KRT18: variants seen among roughly 807,000 people sequenced by gnomAD.
KRT18 encodes keratin 18.
KRT18 carries 8 observed loss-of-function variants against 39.9 expected under a neutral mutation model. The ratio of observed to expected loss-of-function variants is 0.20; its 90% CI spans 0.12 to 0.36. The LOEUF is 0.36. Among genes scored for constraint, KRT18 ranks in the 10% least tolerant of loss-of-function variants. KRT18 has a pLI of 1.00. For missense variants in KRT18, 396 were observed against 565.7 expected, an observed-to-expected ratio of 0.70 and a Z score of 3.04; for synonymous variants, 194 against 227.8, an observed-to-expected ratio of 0.85 and a Z score of 1.33.
At chr12:52,949,026 C>A, upstream of KRT18, 1 of 715,966 alleles carries the variant, frequency 1.4e-6, no homozygotes, top group South Asian at 1.8e-5. Flanking sequence ...GGGCTCCGAG[C>A]CGTCCACCTG....
At chr12:52,950,566 GTA>G in intron 2 of KRT18, 156 bp downstream of exon 2, 1 of 818,800 alleles carries the variant, frequency 1.2e-6, no homozygotes, top group Non-Finnish European at 2.1e-6. Flanking sequence ...CTGTTCATTT[GTA>G]TAACCCCGTT....
In KRT18 at chr12:52,950,396, T is replaced by C. The variant is rs1011486827; in HGVS notation, c.486T>C (p.Asp162=). Residue 162 remains aspartate (D), a synonymous_variant, in exon 2 of 7, where the codon GAT becomes GAC. Coordinates refer to ENST00000388835, the MANE Select transcript of KRT18 (RefSeq NM_000224.3). ...LQIDNARLAA[D]DFRVKYETEL... ...TTGACAATGCCCGTCTTGCTGCTGATGACTTTAGAGTCAAGTAAGTTTGGG... is the reference window on the plus strand; with the variant it reads ...TTGACAATGCCCGTCTTGCTGCTGACGACTTTAGAGTCAAGTAAGTTTGGG... 4 of 1,612,558 alleles carry C rather than the reference T, an allele frequency of 2.5e-6. No homozygotes were observed. The highest frequency in any genetic ancestry group is 1.7e-5 in the Admixed American group (1 of 60,020).
rs760412718 is a variant in KRT18, at chr12:52,949,309, A to T, written c.136A>T (p.Ile46Phe). ...AGGCGCTGGGGGCTCTGGTTCCCGG[A>T]TCTCCGTGTCCCGCTCCACCAGCTT... ...YAGAGGSGSRISVSRSTSFRG... is the reference protein window; with the variant it reads ...YAGAGGSGSRFSVSRSTSFRG... Residue 46 changes from isoleucine (I) to phenylalanine (F), a missense_variant, in exon 1 of 7, where the codon ATC becomes TTC. Ile to Phe is a conservative substitution (Grantham distance 21, BLOSUM62 0). Coordinates refer to ENST00000388835, the MANE Select transcript of KRT18 (RefSeq NM_000224.3). 3 of 1,610,408 alleles carry T rather than the reference A, an allele frequency of 1.9e-6. No homozygotes were observed. Among genetic ancestry groups the T allele is most frequent in the Non-Finnish European group, 2.5e-6 (3 of 1,179,744 alleles).
upstream of KRT18, chr12:52,948,964 C>T (rs1438776399): frequency 4.9e-6 from 2 of 407,588 alleles, no homozygotes; most frequent in East Asian, 4.3e-5. Flanking sequence ...CAGGGCTGCG[C>T]GGAGGGCGCG....
intron 2 of KRT18, 157 bp downstream of exon 2, chr12:52,950,567 T>C (rs1329494246): frequency 1.2e-6 from 1 of 819,462 alleles, no homozygotes; most frequent in East Asian, 2.4e-5. Flanking sequence ...TGTTCATTTG[T>C]ATAACCCCGT....
Position 52,952,177 on chromosome 12 carries a change from A to T in KRT18, c.1007A>T (p.Glu336Val), listed in dbSNP as rs1942502671. 6.3e-7 allele frequency: 1 copy of T among 1,584,454 alleles called. No homozygotes were observed. The highest frequency in any genetic ancestry group is 1.8e-5 in the Admixed American group (1 of 54,514). ...GAGGCCCGCTACGCCCTACAGATGG[A>T]GCAGCTCAACGGGATCCTGCTGCAC... ...EVEARYALQM[E>V]QLNGILLHLE... is the part of the protein sequence containing the mutation. Residue 336 changes from glutamate (E) to valine (V), a missense_variant, in exon 6 of 7, where the codon GAG (glutamate) becomes GTG (valine). Coordinates refer to ENST00000388835, the MANE Select transcript of KRT18 (RefSeq NM_000224.3).
intron 1 of KRT18, 55 bp from the exon 2 acceptor site, chr12:52,950,273 C>T (rs1002552520): frequency 7.9e-6 from 10 of 1,271,282 alleles, no homozygotes; most frequent in Admixed American, 1.7e-5. Flanking sequence ...CACACTCACC[C>T]CACCCATCCC....
At position 52,952,141 on chromosome 12, in the gene KRT18, T is replaced by G. The variant is rs1837695514; in HGVS notation, c.971T>G (p.Leu324Arg). The G allele has an allele frequency of 6.4e-7, 1 of 1,565,424 alleles. No homozygotes were observed. The highest frequency in any genetic ancestry group is 1.4e-5 in the African/African-American group (1 of 73,896). ...RNLKASLENS[L>R]REVEARYALQ... is the part of the protein sequence containing the mutation. Reference sequence around the variant, plus strand: ...CAGAAGGCCAGCTTGGAGAACAGCCTGAGGGAGGTGGAGGCCCGCTACGCC... The same window carrying G: ...CAGAAGGCCAGCTTGGAGAACAGCCGGAGGGAGGTGGAGGCCCGCTACGCC... The change falls in exon 6 of 7, where the codon CTG becomes CGG. Residue 324 changes from leucine (L) to arginine (R), a missense_variant. Coordinates refer to ENST00000388835, the MANE Select transcript of KRT18 (RefSeq NM_000224.3).
intron 2 of KRT18, 72 bp downstream of exon 2, chr12:52,950,482 A>C: frequency 9.0e-7 from 1 of 1,113,848 alleles, no homozygotes; most frequent in Non-Finnish European, 1.4e-6. Context: ...AGGCTGGGTC[A>C]GTTAGGGGCT....
Position 52,952,453 on chromosome 12 carries a change from C to T in KRT18, c.1172+111C>T. ...TCTGTTCACTGGTATCCACTGAGCA[C>T]TGGGCCGTTGCTCCGTGGGTGCTCC... On this transcript the variant is annotated intron_variant, in intron 6 of 6. Transcript: ENST00000388835. 7.1e-6 allele frequency: 6 copies of T among 846,688 alleles called. No homozygotes were observed. In the Admixed American group the frequency reaches 1.2e-4, roughly 17 times the overall value. The allele number at this position is 846,688 out of a possible 1,614,324, so 52.4% of individuals were successfully genotyped here. A position where few individuals can be genotyped will look rare whatever the true frequency, so the allele number is the denominator to read the frequency against.
At chr12:52,949,810 G>A in intron 1 of KRT18, 1 of 707,266 alleles carries the variant, frequency 1.4e-6, no homozygotes, top group East Asian at 2.7e-5. Context: ...AAGGGGACAG[G>A]GTTGAGAGCT....
intron 3 of KRT18, 118 bp from the exon 4 acceptor site, chr12:52,951,362 AG>A: frequency 9.5e-7 from 1 of 1,049,908 alleles, no homozygotes; most frequent in Non-Finnish European, 1.5e-6. Flanking sequence ...GTGCAAGCCA[AG>A]GGGTTCCTCC....
chr12:52,952,631 T>A, intron 6 of KRT18, 91 bp from the exon 7 acceptor site: 2 of 1,372,638 alleles, frequency 1.5e-6, no homozygotes, highest in Non-Finnish European at 2.0e-6. Context: ...GAGATAAAGG[T>A]AGAGGTCAGG....
rs530937495 is a variant in KRT18 at position 52,952,638 on chromosome 12, C to G, written c.1173-84C>G. On this transcript the variant is annotated intron_variant, in intron 6 of 6. Coordinates refer to ENST00000388835, the MANE Select transcript of KRT18 (RefSeq NM_000224.3). ...GTGATTTGGAGATAAAGGTAGAGGT[C>G]AGGAGGCTTTTTCCCTCTACCTTTC... 7.0e-7 allele frequency: 1 copy of G among 1,420,102 alleles called. No homozygotes were observed. Among genetic ancestry groups the G allele is most frequent in the East Asian group, 2.3e-5 (1 of 44,148 alleles). The allele number at this position is 1,420,102 out of a possible 1,614,324, so 88.0% of individuals were successfully genotyped here.
At chr12:52,948,933 T>C (rs1453263959), upstream of KRT18, 1 of 400,242 alleles carries the variant, frequency 2.5e-6, no homozygotes, top group Non-Finnish European at 4.3e-6. Context: ...ACCCCGTTTC[T>C]GGGGGGTGAG....
chr12:52,950,435 G>T, intron 2 of KRT18, 25 bp downstream of exon 2: 1 of 1,528,784 alleles, frequency 6.5e-7, no homozygotes. Flanking sequence ...TAGAGAGCTG[G>T]GGGTCCAGGG....
chr12:52,948,937 G>A, upstream of KRT18: 1 of 436,406 alleles, frequency 2.3e-6, no homozygotes, highest in Non-Finnish European at 3.9e-6. Context: ...CGTTTCTGGG[G>A]GGTGAGCGGG....
chr12:52,950,628 C>T (rs915275937), intron 2 of KRT18, 122 bp from the exon 3 acceptor site: 1 of 1,014,342 alleles, frequency 9.9e-7, no homozygotes. Flanking sequence ...GGGATTACCA[C>T]CTAATTGCTG....
chr12:52,951,371 T>C, intron 3 of KRT18, 110 bp from the exon 4 acceptor site: 1 of 1,136,568 alleles, frequency 8.8e-7, no homozygotes, highest in South Asian at 1.2e-5. Context: ...AAGGGGTTCC[T>C]CCTGTCTCTT....
Sources: gnomAD v4.1 joint callset for allele counts on GRCh38, gnomAD v4.1.1 for gene constraint, MANE v1.5 for transcripts, NCBI Gene and HGNC (gene_info 2026-07-23, HGNC 2026-07-21) for gene names.